Variants in CARM1 observed in about 807,000 individuals in gnomAD.
The protein encoded by CARM1 is coactivator associated arginine methyltransferase 1.
A neutral mutation model predicts 72.7 loss-of-function variants in CARM1; 14 were observed. The ratio of observed to expected loss-of-function variants is 0.19; its 90% confidence interval spans 0.13 to 0.30. CARM1 has a LOEUF of 0.30. Ranked by LOEUF, CARM1 falls within the 10% of genes least tolerant of loss-of-function variation. The pLI, the probability that CARM1 is intolerant of heterozygous loss-of-function variation, is 1.00. For synonymous variants in CARM1, 333 were observed against 345.5 expected (o/e 0.96, Z 0.40); for missense variants, 432 against 833.7 (o/e 0.52, Z 5.93).
chr19:10,916,586 T>C lies in CARM1; in HGVS notation c.938+89T>C. 1 of 1,406,956 alleles carries C rather than the reference T, an allele frequency of 7.1e-7. No homozygotes were observed. The highest frequency in any genetic ancestry group is 9.9e-7 in the Non-Finnish European group (1 of 1,006,270). The allele number at this position is 1,406,956 out of a possible 1,614,324, so 87.2% of individuals were successfully genotyped here. A position where few individuals can be genotyped will look rare whatever the true frequency, so the allele number is the denominator to read the frequency against. On this transcript the variant is annotated intron_variant, in intron 7 of 15. Transcript: ENST00000327064. This position sits in a 1 kb window ranked among gnomAD's most constrained non-coding sequence, Gnocchi z 4.4. ...TCCCCAGAGAGCCTGCACTCCTCTT[T>C]TTCTGAAAGACTTGGGCTAGATGAG...
chr19:10,872,032 C>G, intron 1 of CARM1, 110 bp downstream of exon 1: 1 of 922,940 alleles, frequency 1.1e-6, no homozygotes, highest in Non-Finnish European at 1.4e-6. Context: ...GCGTGGGGTC[C>G]CCGGGACTGA....
rs996973311 is a variant in CARM1, at chr19:10,880,240, C to T, written c.220+8318C>T. ...ACATCCAGGGAAGCAGCCACTTAAG[C>T]GAGGGCAGGATGGAGGGGCCCACCT... On this transcript the variant is annotated intron_variant, in intron 1 of 15. Transcript: ENST00000327064. Among the ~76,000 whole-genome samples, 14 of 152,148 alleles carry T rather than the reference C, an allele frequency of 9.2e-5. 1 individual carries two copies. Among genetic ancestry groups the T allele is most frequent in the Admixed American group, 2.6e-4 (4 of 15,270 alleles).
chr19:10,919,975 C>G lies in CARM1; in HGVS notation c.1196+9C>G. 1 of 1,610,164 alleles carries G rather than the reference C, an allele frequency of 6.2e-7. No individual in the cohort carries two copies. The highest frequency in any genetic ancestry group is 1.1e-5 in the South Asian group (1 of 90,990). The stretch of plus-strand genomic sequence containing the variant: ...GCTTTCATCGGCTCCATGTGAGTGC[C>G]GCAGAGCAGCCCATGCTGCCTCCTC... On this transcript the variant is annotated intron_variant, in intron 10 of 15. Coordinates refer to ENST00000327064, the MANE Select transcript of CARM1 (RefSeq NM_199141.2).
intron 1 of CARM1, among the ~76,000 whole-genome samples, chr19:10,890,522 C>A (rs1039280999): frequency 6.6e-6 from 1 of 151,104 alleles, no homozygotes; most frequent in African/African-American, 2.4e-5. Context: ...CCTGCCTCGG[C>A]CTCCCAAAGT....
At chr19:10,906,581 G>A (rs1017626815) in intron 2 of CARM1, among the ~76,000 whole-genome samples, 37 of 152,150 alleles carry the variant, frequency 2.4e-4, no homozygotes, top group African/African-American at 8.7e-4. Context: ...TCCTGCCTCA[G>A]CGCCCTGAGT....
chr19:10,874,709 A>G (rs901232035), intron 1 of CARM1, among the ~76,000 whole-genome samples: 4 of 152,052 alleles, frequency 2.6e-5, no homozygotes, highest in African/African-American at 9.7e-5. Flanking sequence ...CTTAAGTAAC[A>G]TTGATATGGA....
At chr19:10,890,843 T>C (rs2073982933) in intron 1 of CARM1, among the ~76,000 whole-genome samples, 1 of 134,974 alleles carries the variant, frequency 7.4e-6, no homozygotes, top group Non-Finnish European at 1.5e-5. Flanking sequence ...CTATCCTTCC[T>C]GAAGTCCCAG....
At chr19:10,890,795 A>ATATATAT (rs1217665879) in intron 1 of CARM1, among the ~76,000 whole-genome samples, 2 of 47,466 alleles carry the variant, frequency 4.2e-5, no homozygotes, top group Non-Finnish European at 6.9e-5. Context: ...ATATATATAT[A>ATATATAT]TTTTTTTTTT....
At chr19:10,873,319 T>A (rs1463826122) in intron 1 of CARM1, among the ~76,000 whole-genome samples, 2 of 152,000 alleles carry the variant, frequency 1.3e-5, no homozygotes, top group Non-Finnish European at 2.9e-5. Flanking sequence ...AAAATTTTTT[T>A]AGGACCAGGC....
chr19:10,872,590 G>A (rs2073828089), intron 1 of CARM1, among the ~76,000 whole-genome samples: 1 of 152,112 alleles, frequency 6.6e-6, no homozygotes, highest in South Asian at 2.1e-4. Flanking sequence ...GCCGGGCTTC[G>A]AAGTAAGAGC....
chr19:10,910,711 G>A lies in CARM1; in HGVS notation c.559-1473G>A, dbSNP rs529558484. Among the ~76,000 whole-genome samples, 459 of 150,608 alleles carry A rather than the reference G, an allele frequency of 3.0e-3. 1 individual carries two copies. Among genetic ancestry groups the A allele is most frequent in the African/African-American group, 0.011 (446 of 41,030 alleles). ...CTCCTGAGTAGCTGGGACTACAGGC[G>A]CACACCACCAAGCCCAGCAGATTTT... is the stretch of plus-strand genomic sequence containing the variant. On this transcript the variant is annotated intron_variant, in intron 4 of 15. Coordinates refer to ENST00000327064, the MANE Select transcript of CARM1 (RefSeq NM_199141.2).
intron 1 of CARM1, among the ~76,000 whole-genome samples, chr19:10,878,910 G>A (rs748800563): frequency 4.6e-5 from 7 of 151,596 alleles, no homozygotes; most frequent in East Asian, 1.9e-4. Context: ...GGGTTCAAGC[G>A]ATTCTCCTGC....
chr19:10,909,074 C>T (rs774516880), intron 3 of CARM1, 29 bp from the exon 4 acceptor site: 2 of 1,550,582 alleles, frequency 1.3e-6, no homozygotes, highest in Non-Finnish European at 1.8e-6. Context: ...CACCATGTGC[C>T]CCGTGCCATC....
At chr19:10,919,738 C>CCCCT in intron 9 of CARM1, 58 bp downstream of exon 9, 1 of 1,541,358 alleles carries the variant, frequency 6.5e-7, no homozygotes, top group Non-Finnish European at 8.9e-7. Flanking sequence ...GTCAGGGCCA[C>CCCCT]CCCTGGCTCC....
chr19:10,891,620 G>A (rs950204134), intron 1 of CARM1, among the ~76,000 whole-genome samples: 1 of 152,224 alleles, frequency 6.6e-6, no homozygotes, highest in South Asian at 2.1e-4. Context: ...ATGTTGGGGG[G>A]GTGGTCCCCA....
intron 3 of CARM1, among the ~76,000 whole-genome samples, chr19:10,908,375 G>C (rs936973255): frequency 6.6e-6 from 1 of 152,198 alleles, no homozygotes; most frequent in Non-Finnish European, 1.5e-5. Flanking sequence ...GGAAGGATCT[G>C]AGCACAGGTG....
intron 1 of CARM1, 115 bp from the exon 2 acceptor site, chr19:10,904,836 C>A: frequency 7.0e-7 from 1 of 1,430,182 alleles, no homozygotes; most frequent in Non-Finnish European, 9.6e-7. Context: ...TTGTGGCACT[C>A]TGGAAGAATC....
At position 10,920,781 on chromosome 19, in the gene CARM1, G is replaced by A. The variant is rs774556484; in HGVS notation, c.1424+33G>A. 4.3e-6 allele frequency: 7 copies of A among 1,613,206 alleles called. No homozygotes were observed. Among genetic ancestry groups the A allele is most frequent in the Middle Eastern group, 1.7e-4 (1 of 6,056 alleles). On this transcript the variant is annotated intron_variant, in intron 12 of 15. Transcript: ENST00000327064. The surrounding 1 kb of genome is among the most constrained non-coding windows in gnomAD (Gnocchi z 5.3). Reference sequence around the variant, plus strand: ...GGGCCCCTTGCCTGCACAGGGGGGCGCCCCGGCCCTGCAACCCCCTTGCCC... The same window carrying A: ...GGGCCCCTTGCCTGCACAGGGGGGCACCCCGGCCCTGCAACCCCCTTGCCC...
At chr19:10,897,279 G>A (rs2074031317) in intron 1 of CARM1, among the ~76,000 whole-genome samples, 1 of 152,180 alleles carries the variant, frequency 6.6e-6, no homozygotes, top group Non-Finnish European at 1.5e-5. Context: ...GATGAGAAGA[G>A]GAAACAGGAG....
Sources: allele counts gnomAD v4.1 joint callset (sites outside exome capture counted in the v4.1 genomes callset), GRCh38; gene constraint gnomAD v4.1.1; non-coding constraint Gnocchi (gnomAD v3.1); transcripts MANE v1.5; gene names NCBI Gene and HGNC (gene_info 2026-07-23, HGNC 2026-07-21).